The following NFU1 variants were observed in gnomAD, a reference collection of about 807,000 sequenced individuals.
The protein encoded by NFU1 is NFU1 iron-sulfur cluster scaffold, also known as NFU1 iron-sulfur cluster scaffold homolog, mitochondrial.
In NFU1, 30 loss-of-function variants were observed where a neutral mutation model predicts 32.2. That is an observed-to-expected ratio of 0.93 (90% confidence interval 0.70 to 1.26). NFU1 has a LOEUF of 1.26. Among genes scored for constraint, NFU1 ranks in the 50% most tolerant of loss-of-function variants. NFU1 has a pLI of 0.00. For missense variants in NFU1, 306 were observed against 306.6 expected (o/e 1.00, Z 0.02); for synonymous variants, 112 against 104.6 (o/e 1.07, Z -0.43).
Position 69,432,008 on chromosome 2 carries a change from G to A in NFU1, c.63-3C>T, listed in dbSNP as rs766527478. 7.7e-6 allele frequency: 12 copies of A among 1,562,654 alleles called. No individual in the cohort carries two copies. Among genetic ancestry groups the A allele is most frequent in the Admixed American group, 5.0e-5 (3 of 59,906 alleles). On this transcript the variant is annotated splice_region_variant and splice_polypyrimidine_tract_variant and intron_variant, in intron 1 of 7. Transcript: ENST00000410022. ...GATTCTTCAACATATGACAGAACCT[G>A]CATTTAAAAGCACATAATGAATGAC...
intron 1 of NFU1, among the ~76,000 whole-genome samples, chr2:69,436,237 T>C (rs1171929935): frequency 2.0e-5 from 3 of 152,154 alleles, no homozygotes. Context: ...ATCCAGAGAA[T>C]CCATGTAAAG....
At chr2:69,409,661 C>T (rs564470423) in intron 5 of NFU1, among the ~76,000 whole-genome samples, 4 of 152,168 alleles carry the variant, frequency 2.6e-5, no homozygotes, top group Non-Finnish European at 5.9e-5. Flanking sequence ...AGAAGGGGAG[C>T]TGGCCCATGC....
chr2:69,437,153 G>A, intron 1 of NFU1: 2 of 1,135,350 alleles, frequency 1.8e-6, no homozygotes, highest in Non-Finnish European at 2.4e-6. Context: ...GGAAGCTCCA[G>A]AGAGTCCGCC....
At chr2:69,426,703 T>C (rs1355287828) in intron 2 of NFU1, among the ~76,000 whole-genome samples, 2 of 152,198 alleles carry the variant, frequency 1.3e-5, no homozygotes, top group African/African-American at 4.8e-5. Flanking sequence ...TGACAACAGC[T>C]TGCAGGACGA....
intron 3 of NFU1, among the ~76,000 whole-genome samples, chr2:69,423,375 C>T (rs374922594): frequency 6.6e-5 from 10 of 151,404 alleles, no homozygotes; most frequent in African/African-American, 2.4e-4. Context: ...CCACTTCAGC[C>T]TTCCAAAGTG....
At chr2:69,436,604 A>T (rs996322264) in intron 1 of NFU1, among the ~76,000 whole-genome samples, 6 of 152,204 alleles carry the variant, frequency 3.9e-5, no homozygotes, top group Admixed American at 3.3e-4. Flanking sequence ...CTACCAACTT[A>T]AATCTTTTTA....
At chr2:69,428,297 C>G (rs1306322650) in intron 2 of NFU1, among the ~76,000 whole-genome samples, 1 of 151,864 alleles carries the variant, frequency 6.6e-6, no homozygotes, top group Non-Finnish European at 1.5e-5. Context: ...TGGTGATGTG[C>G]GCCTGTAATC....
intron 5 of NFU1, among the ~76,000 whole-genome samples, chr2:69,407,603 T>C (rs10208175): frequency 0.66 from 97,667 of 148,012 alleles, 33,339 homozygotes; most frequent in African/African-American, 0.86. Context: ...TGAACCCAGA[T>C]GGCGGAGGTT....
chr2:69,402,976 CTTTT>C (rs1672574419), intron 6 of NFU1, among the ~76,000 whole-genome samples: 1 of 150,372 alleles, frequency 6.7e-6, no homozygotes, highest in South Asian at 2.1e-4. Context: ...TTTCTCTTCT[CTTTT>C]CTTTTCCCCT....
At chr2:69,413,473 A>G (rs1384895350) in intron 5 of NFU1, among the ~76,000 whole-genome samples, 2 of 152,108 alleles carry the variant, frequency 1.3e-5, no homozygotes, top group Non-Finnish European at 2.9e-5. Flanking sequence ...AATCTAAAGA[A>G]GCTCTCGGCC....
upstream of NFU1, among the ~76,000 whole-genome samples, chr2:69,438,287 C>T (rs1262655097): frequency 1.3e-5 from 2 of 150,832 alleles, no homozygotes; most frequent in African/African-American, 4.9e-5. Flanking sequence ...GGGTCTATCT[C>T]TGTTGCCCAG....
chr2:69,404,056 T>TCTCAATCTCCTGACCTCATGATC (rs1672613354), intron 6 of NFU1, among the ~76,000 whole-genome samples: 1 of 150,898 alleles, frequency 6.6e-6, no homozygotes, highest in Non-Finnish European at 1.5e-5. Context: ...GCCAGGATGG[T>TCTCAATCTCCTGACCTCATGATC]CTCAATCTCC....
intron 2 of NFU1, among the ~76,000 whole-genome samples, chr2:69,428,791 T>C (rs1209013901): frequency 6.6e-6 from 1 of 152,242 alleles, no homozygotes. Flanking sequence ...TTATTTTAAA[T>C]TTGAAAGAGT....
chr2:69,432,876 G>C (rs1574154475), intron 1 of NFU1, among the ~76,000 whole-genome samples: 2 of 152,008 alleles, frequency 1.3e-5, no homozygotes, highest in South Asian at 4.1e-4. Context: ...TGGGCCAGGG[G>C]TGGTGGCTCA....
intron 1 of NFU1, 117 bp downstream of exon 1, chr2:69,437,244 G>C: frequency 6.7e-7 from 1 of 1,495,970 alleles, no homozygotes; most frequent in Non-Finnish European, 8.9e-7. Context: ...GGGCGGACCC[G>C]CCGGCTCCAT....
upstream of NFU1, chr2:69,437,570 C>T (rs752018289): frequency 3.1e-6 from 3 of 971,298 alleles, no homozygotes; most frequent in Non-Finnish European, 3.2e-6. Flanking sequence ...GTGGCCTACG[C>T]GCCGAGGTTT....
intron 2 of NFU1, among the ~76,000 whole-genome samples, chr2:69,428,977 T>G (rs1673551901): frequency 6.6e-6 from 1 of 152,208 alleles, no homozygotes; most frequent in Non-Finnish European, 1.5e-5. Context: ...CCATACATTT[T>G]GTTTAAATCC....
At chr2:69,412,636 C>G (rs921308090) in intron 5 of NFU1, among the ~76,000 whole-genome samples, 1 of 152,126 alleles carries the variant, frequency 6.6e-6, no homozygotes, top group African/African-American at 2.4e-5. Flanking sequence ...CCACCCGCCT[C>G]GGCCTCCCAA....
intron 4 of NFU1, among the ~76,000 whole-genome samples, chr2:69,418,887 C>T (rs1398281146): frequency 4.0e-5 from 6 of 151,838 alleles, no homozygotes; most frequent in African/African-American, 1.2e-4. Context: ...ATTTAAGTTC[C>T]GTGGATATAT....
Sources: gnomAD v4.1 joint callset for allele counts (sites outside exome capture counted in the v4.1 genomes callset) on GRCh38, gnomAD v4.1.1 for gene constraint, MANE v1.5 for transcripts, NCBI Gene and HGNC (gene_info 2026-07-23, HGNC 2026-07-21) for gene names.